Variants in ESRRB observed in about 807,000 individuals in gnomAD.
ESRRB encodes the protein estrogen related receptor beta.
In ESRRB, 16 loss-of-function variants were observed where a neutral mutation model predicts 46.0. The ratio of observed to expected loss-of-function variants is 0.35; its 90% CI spans 0.24 to 0.53. The LOEUF is 0.53. ESRRB is among the 20% of genes least tolerant of loss of function. The pLI, the probability that ESRRB is intolerant of heterozygous loss-of-function variation, is 0.93. For synonymous variants in ESRRB, 246 were observed against 259.6 expected, an observed-to-expected ratio of 0.95 and a Z score of 0.50; for missense variants, 488 against 607.4, an observed-to-expected ratio of 0.80 and a Z score of 2.07.
At chr14:76,463,445 G>GTTTTGTTTTTTTTTTTTTTTTTTTT (rs1555342250) in intron 3 of ESRRB, 3 of 114,738 alleles carry the variant, frequency 2.6e-5, no homozygotes, top group African/African-American at 1.1e-4. Flanking sequence ...ATGCTTCTTT[G>GTTTTGTTTTTTTTTTTTTTTTTTTT]TTTTTTTTTT....
intron 1 of ESRRB, among the ~76,000 whole-genome samples, chr14:76,378,697 G>A (rs1363597031): frequency 1.3e-5 from 2 of 152,182 alleles, no homozygotes; most frequent in African/African-American, 4.8e-5. Context: ...TGCATGTGCT[G>A]TGGCGCAGAG....
intron 1 of ESRRB, among the ~76,000 whole-genome samples, chr14:76,417,987 G>A (rs8007852): frequency 1.7e-4 from 25 of 143,846 alleles, no homozygotes; most frequent in African/African-American, 6.3e-4. Context: ...ATGGAGTCTG[G>A]CTCTGTCACC....
At position 76,500,139 on chromosome 14, in the gene ESRRB, T is replaced by TGG; in HGVS notation, c.*1683_*1684dup. 7.6e-7 allele frequency: 1 copy of TGG among 1,308,190 alleles called. No individual in the cohort carries two copies. 81.0% of individuals were successfully genotyped at this position (1,308,190 alleles called of 1,614,324 possible). A position where few individuals can be genotyped will look rare whatever the true frequency, so the allele number is the denominator to read the frequency against. ...GCTCTACCCCAGGAACCTCCCGGCC[T>TGG]GGGCTTCTGGGCTGGGACGTGCTGA... On this transcript the variant is annotated 3_prime_UTR_variant, in exon 7 of 7. Coordinates refer to ENST00000644823, the MANE Select transcript of ESRRB (RefSeq NM_001379180.1).
intron 2 of ESRRB, among the ~76,000 whole-genome samples, chr14:76,458,467 CACAA>C (rs1485086667): frequency 1.3e-5 from 1 of 79,896 alleles, no homozygotes; most frequent in Non-Finnish European, 2.7e-5. Flanking sequence ...CACACACACA[CACAA>C]ACACACACAC....
intron 1 of ESRRB, among the ~76,000 whole-genome samples, chr14:76,322,065 A>T (rs79937668): frequency 0.03 from 4,601 of 152,258 alleles, 89 homozygotes; most frequent in Non-Finnish European, 0.044. Context: ...TGTATCATTT[A>T]CATGTATATT....
intron 3 of ESRRB, among the ~76,000 whole-genome samples, chr14:76,467,015 C>A (rs1216078875): frequency 6.6e-6 from 1 of 152,104 alleles, no homozygotes; most frequent in African/African-American, 2.4e-5. Context: ...CCACTGCCCC[C>A]AGCTGCTGTT....
chr14:76,409,209 G>T (rs1886328514), intron 1 of ESRRB, among the ~76,000 whole-genome samples: 1 of 152,208 alleles, frequency 6.6e-6, no homozygotes, highest in Non-Finnish European at 1.5e-5. Flanking sequence ...GCTAACAATG[G>T]TTACCTTTGG....
intron 1 of ESRRB, among the ~76,000 whole-genome samples, chr14:76,386,083 G>A (rs1010352167): frequency 6.6e-6 from 1 of 152,154 alleles, no homozygotes; most frequent in African/African-American, 2.4e-5. Context: ...GTGAGACTGG[G>A]GTGCTTGAAC....
At chr14:76,334,221 G>T (rs1884098588) in intron 1 of ESRRB, among the ~76,000 whole-genome samples, 1 of 152,184 alleles carries the variant, frequency 6.6e-6, no homozygotes, top group Non-Finnish European at 1.5e-5. Context: ...TGGCGAGGGG[G>T]ACGGAGGAGG....
rs939027113 is a variant in ESRRB, at chr14:76,498,557, A to G, written c.*99A>G. On this transcript the variant is annotated 3_prime_UTR_variant, in exon 7 of 7. Transcript: ENST00000644823. ...ACCAGCCTCCACCTTCAACCCCTGT[A>G]TCATGGCTCTGAGCTGTCCCAGAGG... The G allele has an allele frequency of 2.9e-5, 43 of 1,491,574 alleles. No homozygotes were observed. The highest frequency in any genetic ancestry group is 2.2e-4 in the Admixed American group (12 of 54,866). 92.4% of individuals were successfully genotyped at this position (1,491,574 alleles called of 1,614,324 possible). A position where few individuals can be genotyped will look rare whatever the true frequency, so the allele number is the denominator to read the frequency against.
At chr14:76,407,337 G>A (rs971351297) in intron 1 of ESRRB, 1 of 154,442 alleles carries the variant, frequency 6.5e-6, no homozygotes, top group African/African-American at 2.4e-5. Flanking sequence ...TGCTGAGCGG[G>A]ACACAAATGT....
chr14:76,376,793 A>G lies in ESRRB; in HGVS notation c.50+342A>G, dbSNP rs2139790208. Among the ~76,000 whole-genome samples, 1 of 152,364 alleles carries G rather than the reference A, an allele frequency of 6.6e-6. No homozygotes were observed. The highest frequency in any genetic ancestry group is 1.9e-4 in the East Asian group (1 of 5,176). On this transcript the variant is annotated intron_variant, in intron 1 of 6. Transcript: ENST00000644823. This position sits in a 1 kb window ranked among gnomAD's most constrained non-coding sequence, Gnocchi z 4.1. The stretch of plus-strand genomic sequence containing the variant: ...GGAATGGAGCAAGAAGGGAGGCAGA[A>G]GCCCAGAACAGGTGCAGGGATGTGG...
chr14:76,425,429 A>G (rs8017999), intron 1 of ESRRB, among the ~76,000 whole-genome samples: 71,675 of 151,850 alleles, frequency 0.47, 19,338 homozygotes, highest in African/African-American at 0.74. Flanking sequence ...TCAAGCATCG[A>G]ATGGGGGTGG....
intron 1 of ESRRB, among the ~76,000 whole-genome samples, chr14:76,398,558 G>T (rs1335288100): frequency 6.6e-6 from 1 of 152,100 alleles, no homozygotes; most frequent in Non-Finnish European, 1.5e-5. Flanking sequence ...CCCTTTCTTG[G>T]CAGGGTGCAG....
At position 76,439,456 on chromosome 14, in the gene ESRRB, C is replaced by G. The variant is rs1566899157; in HGVS notation, c.166C>G (p.Pro56Ala). ...CATCGATGCCCTCAGCCACCACAGC[C>G]CCAGTGGCTCGTCCGACGCCAGCGG... ...SGIDALSHHS[P>A]SGSSDASGGF... is the part of the protein sequence containing the mutation. Residue 56 changes from proline (P) to alanine (A), a missense_variant, in exon 2 of 7, where the codon CCC (proline) becomes GCC (alanine). Physicochemically the swap from Pro to Ala is conservative, Grantham distance 27. Transcript: ENST00000644823. 6.2e-7 allele frequency: 1 copy of G among 1,613,072 alleles called. No individual in the cohort carries two copies. Among genetic ancestry groups the G allele is most frequent in the East Asian group, 2.2e-5 (1 of 44,874 alleles).
chr14:76,494,059 C>T (rs2980894), intron 6 of ESRRB, among the ~76,000 whole-genome samples: 31,961 of 152,168 alleles, frequency 0.21, 3,397 homozygotes, highest in South Asian at 0.39. Context: ...ACATGCCCCC[C>T]GTAAATGTCT....
At chr14:76,493,366 G>T (rs1461281388) in intron 6 of ESRRB, among the ~76,000 whole-genome samples, 3 of 151,998 alleles carry the variant, frequency 2.0e-5, no homozygotes, top group Non-Finnish European at 4.4e-5. Flanking sequence ...TGTTGCCCAG[G>T]CTGGTCTCAA....
intron 1 of ESRRB, among the ~76,000 whole-genome samples, chr14:76,395,067 T>G (rs1885618485): frequency 6.6e-6 from 1 of 152,164 alleles, no homozygotes; most frequent in African/African-American, 2.4e-5. Flanking sequence ...GGCTCTTCTT[T>G]GCCCTTGGTG....
intron 1 of ESRRB, among the ~76,000 whole-genome samples, chr14:76,413,395 G>T (rs1886524171): frequency 6.6e-6 from 1 of 152,160 alleles, no homozygotes; most frequent in Non-Finnish European, 1.5e-5. Context: ...GCTGTATACT[G>T]CTGTTCCCTA....
Sources: gnomAD v4.1 joint callset for allele counts (sites outside exome capture counted in the v4.1 genomes callset) on GRCh38, gnomAD v4.1.1 for gene constraint, Gnocchi (gnomAD v3.1) non-coding constraint, MANE v1.5 for transcripts, NCBI Gene and HGNC (gene_info 2026-07-23, HGNC 2026-07-21) for gene names.